The following NHSL1 variants were observed in gnomAD, a reference collection of about 807,000 sequenced individuals.
NHSL1 encodes the protein NHS like 1.
Under a neutral mutation model 95.0 loss-of-function variants are expected in NHSL1, and 48 were observed. The observed-to-expected ratio is 0.51, with a 90% CI of 0.40 to 0.64. The LOEUF (loss-of-function observed/expected upper bound fraction) is 0.64, where lower values mean the gene tolerates loss of function less well. Among genes scored for constraint, NHSL1 ranks in the 30% least tolerant of loss-of-function variants. The pLI, the probability that NHSL1 is intolerant of heterozygous loss-of-function variation, is 0.00. For synonymous variants in NHSL1, 783 were observed against 833.9 expected (o/e 0.94, Z 1.05); for missense variants, 1,971 against 2,077.7 (o/e 0.95, Z 1.00).
chr6:138,564,980 C>G (rs1414595118), intron 1 of NHSL1, among the ~76,000 whole-genome samples: 1 of 152,152 alleles, frequency 6.6e-6, no homozygotes, highest in Non-Finnish European at 1.5e-5. Context: ...AGTCTGTATG[C>G]TAGTTCTGCA....
At chr6:138,670,370 T>TTA (rs1248424219) in intron 1 of NHSL1, among the ~76,000 whole-genome samples, 5 of 125,432 alleles carry the variant, frequency 4.0e-5, no homozygotes, top group African/African-American at 1.2e-4. Context: ...CCGTTGAAGG[T>TTA]AAAAAAAAAA....
chr6:138,481,829 T>A (rs1297079652), intron 2 of NHSL1, among the ~76,000 whole-genome samples: 1 of 152,204 alleles, frequency 6.6e-6, no homozygotes, highest in Non-Finnish European at 1.5e-5. Flanking sequence ...TGCCTCCTAA[T>A]AAATGCAAAT....
intron 1 of NHSL1, among the ~76,000 whole-genome samples, chr6:138,626,280 AC>A (rs940549546): frequency 6.6e-5 from 10 of 152,354 alleles, no homozygotes; most frequent in African/African-American, 2.4e-4. Context: ...GCTTTTGGAA[AC>A]AAACTCTTTA....
chr6:138,501,876 C>A (rs1780700006), upstream of NHSL1, among the ~76,000 whole-genome samples: 1 of 152,174 alleles, frequency 6.6e-6, no homozygotes, highest in South Asian at 2.1e-4. Flanking sequence ...ACTTATAGTA[C>A]CTAATACAAT....
Position 138,692,413 on chromosome 6 carries a change from C to G in NHSL1, c.96+63G>C, listed in dbSNP as rs948070777. Reference sequence around the variant, plus strand: ...CGACCCAGGGCCGCCAGGGGGCGGGCGGGAGCAGCTCTCCGGGTGCCTCCC... The same window carrying G: ...CGACCCAGGGCCGCCAGGGGGCGGGGGGGAGCAGCTCTCCGGGTGCCTCCC... On this transcript the variant is annotated intron_variant, in intron 1 of 3. Transcript: ENST00000491526. The surrounding 1 kb of genome is among the most constrained non-coding windows in gnomAD (Gnocchi z 4.0). 2 of 256,834 alleles carry G rather than the reference C, an allele frequency of 7.8e-6. No homozygotes were observed. The highest frequency in any genetic ancestry group is 1.0e-4 in the Admixed American group (2 of 19,316). The allele number at this position is 256,834 out of a possible 1,614,324, so 15.9% of individuals were successfully genotyped here.
intron 3 of NHSL1, among the ~76,000 whole-genome samples, chr6:138,462,012 C>T (rs1476611665): frequency 2.6e-5 from 4 of 152,096 alleles, no homozygotes; most frequent in Middle Eastern, 6.8e-3. Context: ...ATTACAATGG[C>T]GGGAAAGGGT....
At chr6:138,654,050 A>G (rs1785125931) in intron 1 of NHSL1, among the ~76,000 whole-genome samples, 1 of 152,244 alleles carries the variant, frequency 6.6e-6, no homozygotes, top group Admixed American at 6.5e-5. Flanking sequence ...CCCTGTGCAG[A>G]TGGGACTAAA....
chr6:138,455,603 A>G (rs1412792911), intron 3 of NHSL1, among the ~76,000 whole-genome samples: 1 of 151,842 alleles, frequency 6.6e-6, no homozygotes, highest in Non-Finnish European at 1.5e-5. Context: ...TGATCTTGAG[A>G]AAGCCATTTC....
chr6:138,601,409 T>C (rs1385683981), intron 1 of NHSL1, among the ~76,000 whole-genome samples: 1 of 152,210 alleles, frequency 6.6e-6, no homozygotes, highest in African/African-American at 2.4e-5. Context: ...CCCTAGACAC[T>C]TGTGTGGCTA....
At chr6:138,648,471 C>T (rs1010880541) in intron 1 of NHSL1, among the ~76,000 whole-genome samples, 3 of 152,054 alleles carry the variant, frequency 2.0e-5, no homozygotes, top group South Asian at 4.2e-4. Context: ...TTTAGCTGAC[C>T]GAGACCAGGT....
In NHSL1 at chr6:138,458,935, T is replaced by C. The variant is rs567582870; in HGVS notation, c.340-11742A>G. 2.6e-5 allele frequency among the ~76,000 whole-genome samples: 4 copies of C among 152,326 alleles called. No individual in the cohort carries two copies. The East Asian group carries it at 7.7e-4, about 29-fold the overall frequency. ...TTGGGCAGAATGGTGAGCTTTCTGA[T>C]ATTAACGCCTCTGAGGATGTGATAT... On this transcript the variant is annotated intron_variant, in intron 3 of 7. Transcript: ENST00000343505.
At chr6:138,588,535 C>T (rs967091420) in intron 1 of NHSL1, among the ~76,000 whole-genome samples, 3 of 152,134 alleles carry the variant, frequency 2.0e-5, no homozygotes, top group African/African-American at 7.2e-5. Flanking sequence ...CTAAGTAAAG[C>T]CATTTTCCAA....
chr6:138,505,218 T>C (rs1420991449), intron 1 of NHSL1, among the ~76,000 whole-genome samples: 2 of 152,180 alleles, frequency 1.3e-5, no homozygotes, highest in South Asian at 2.1e-4. Context: ...ATCCAAAAAC[T>C]TTTTCACAAA....
chr6:138,560,768 C>A (rs1378537479), intron 1 of NHSL1, among the ~76,000 whole-genome samples: 3 of 152,248 alleles, frequency 2.0e-5, no homozygotes, highest in Middle Eastern at 3.4e-3. Flanking sequence ...AATACCCACC[C>A]GTATTCAGGA....
In NHSL1 at chr6:138,473,415, T is replaced by G; in HGVS notation, c.230A>C (p.His77Pro). 6.6e-7 allele frequency: 1 copy of G among 1,510,088 alleles called. No individual in the cohort carries two copies. Among genetic ancestry groups the G allele is most frequent in the Non-Finnish European group, 8.9e-7 (1 of 1,126,200 alleles). The allele number at this position is 1,510,088 out of a possible 1,614,324, so 93.5% of individuals were successfully genotyped here. A position where few individuals can be genotyped will look rare whatever the true frequency, so the allele number is the denominator to read the frequency against. The change falls in exon 3 of 8, where the codon CAT (histidine) becomes CCT (proline). Residue 77 changes from histidine (H) to proline (P), a missense_variant. This residue lies in a region of NHSL1 where 1,602 missense variants were observed against 1,654.5 expected (regional missense o/e 0.97). Coordinates refer to ENST00000343505, the MANE Select transcript of NHSL1 (RefSeq NM_001144060.2). ...GTACTGAGAACTGCGGTAGCCATCA[T>G]GCCGCAACTTATCGCATTCTGCAGA... ...SVLRECDKLR[H>P]DGYRSSQYYS...
intron 1 of NHSL1, 65 bp downstream of exon 1, chr6:138,499,164 CACAG>C: frequency 9.7e-7 from 1 of 1,029,748 alleles, no homozygotes; most frequent in Non-Finnish European, 1.5e-6. Flanking sequence ...CACACAGACA[CACAG>C]GGACATATAC....
chr6:138,439,961 T>C (rs1195418542), intron 5 of NHSL1, among the ~76,000 whole-genome samples: 1 of 152,112 alleles, frequency 6.6e-6, no homozygotes, highest in African/African-American at 2.4e-5. Context: ...AACAACTGAG[T>C]TATTGGCTTC....
chr6:138,561,601 G>T (rs1350525570), intron 1 of NHSL1, among the ~76,000 whole-genome samples: 1 of 152,170 alleles, frequency 6.6e-6, no homozygotes, highest in East Asian at 1.9e-4. Context: ...TCTCTCCTCA[G>T]TGTGAGTTAC....
At chr6:138,463,106 A>G (rs1426118280) in intron 3 of NHSL1, among the ~76,000 whole-genome samples, 3 of 152,154 alleles carry the variant, frequency 2.0e-5, no homozygotes. Context: ...CACTTTCCAA[A>G]TAAACCTAGA....
Sources: allele counts gnomAD v4.1 joint callset (sites outside exome capture counted in the v4.1 genomes callset), GRCh38; gene constraint gnomAD v4.1.1; regional missense constraint gnomAD v4.1.1; non-coding constraint Gnocchi (gnomAD v3.1); transcripts MANE v1.5; gene names NCBI Gene and HGNC (gene_info 2026-07-23, HGNC 2026-07-21).